The following PIP5K1B variants were observed in gnomAD, a reference collection of about 807,000 sequenced individuals.
PIP5K1B encodes the protein phosphatidylinositol-4-phosphate 5-kinase type 1 beta.
PIP5K1B carries 42 observed loss-of-function variants against 67.0 expected under a neutral mutation model. That is an observed-to-expected ratio of 0.63 (90% CI 0.49 to 0.81). The LOEUF is 0.81. Ranked by LOEUF, PIP5K1B falls within the 30% of genes least tolerant of loss-of-function variation. PIP5K1B has a pLI of 0.00. For synonymous variants in PIP5K1B, 214 were observed against 231.4 expected (o/e 0.92, Z 0.68); for missense variants, 459 against 646.3 (o/e 0.71, Z 3.14).
intron 2 of PIP5K1B, among the ~76,000 whole-genome samples, chr9:68,770,514 C>A (rs957086818): frequency 6.6e-6 from 1 of 152,130 alleles, no homozygotes; most frequent in African/African-American, 2.4e-5. Flanking sequence ...AGTTCATGCT[C>A]AAAAGAAGTG....
At chr9:68,725,655 G>C (rs1195874842) in intron 1 of PIP5K1B, among the ~76,000 whole-genome samples, 2 of 151,886 alleles carry the variant, frequency 1.3e-5, no homozygotes, top group African/African-American at 4.9e-5. Flanking sequence ...ATCACCTTCA[G>C]CATGGATGAG....
In PIP5K1B at chr9:68,919,522, C is replaced by A; in HGVS notation, c.1027C>A (p.Leu343Ile). 6.2e-7 allele frequency: 1 copy of A among 1,601,228 alleles called. No homozygotes were observed. Among genetic ancestry groups the A allele is most frequent in the Admixed American group, 1.7e-5 (1 of 59,070 alleles). Residue 343 changes from leucine to isoleucine, a missense_variant, in exon 10 of 16, where the codon CTT (leucine) becomes ATT (isoleucine). By Grantham distance (5) the Leu-to-Ile change is conservative (BLOSUM62 2). Coordinates refer to ENST00000265382, the MANE Select transcript of PIP5K1B (RefSeq NM_003558.4). ...TAAAAGCCATAGGGGAGAAAAACTA[C>A]TTTTATTTATGGGCATTATTGACAT... is the stretch of plus-strand genomic sequence containing the variant. Reference protein sequence around the residue: ...PAKSHRGEKLLLFMGIIDILQ... With the variant: ...PAKSHRGEKLILFMGIIDILQ...
At chr9:68,944,861 G>GTCAGAAA (rs1195289981) in intron 14 of PIP5K1B, among the ~76,000 whole-genome samples, 5 of 152,160 alleles carry the variant, frequency 3.3e-5, no homozygotes, top group Non-Finnish European at 7.3e-5. Flanking sequence ...CTTTAGATTT[G>GTCAGAAA]TCTAAAATAT....
intron 2 of PIP5K1B, among the ~76,000 whole-genome samples, chr9:68,769,087 AT>A (rs1830565377): frequency 6.6e-6 from 1 of 152,214 alleles, no homozygotes; most frequent in Non-Finnish European, 1.5e-5. Context: ...ATGCATCCCT[AT>A]TTCCCCGTAT....
intron 14 of PIP5K1B, among the ~76,000 whole-genome samples, chr9:68,973,937 G>A (rs1829514346): frequency 6.6e-6 from 1 of 152,192 alleles, no homozygotes; most frequent in Non-Finnish European, 1.5e-5. Flanking sequence ...GAGCACAGTG[G>A]CCTGATCTTG....
chr9:68,944,621 G>A (rs12342490), intron 14 of PIP5K1B, among the ~76,000 whole-genome samples: 4,309 of 152,264 alleles, frequency 0.028, 198 homozygotes, highest in African/African-American at 0.098. Flanking sequence ...TCATTTACAC[G>A]TAGAGGGAAA....
At position 69,005,979 on chromosome 9, in the gene PIP5K1B, A is replaced by T. The variant is rs1831060731; in HGVS notation, c.1621-2468A>T. On this transcript the variant is annotated intron_variant, in intron 15 of 15. Transcript: ENST00000265382. Reference sequence around the variant, plus strand: ...ACTATAGCCTCAAACTCCTGGGCTTAAGCAATCCTCCCACCTTAGCCTCCT... The same window carrying T: ...ACTATAGCCTCAAACTCCTGGGCTTTAGCAATCCTCCCACCTTAGCCTCCT... Among the ~76,000 whole-genome samples the T allele has an allele frequency of 3.3e-5, 5 of 151,758 alleles. No individual in the cohort carries two copies. In the South Asian group the frequency reaches 1.0e-3, roughly 32 times the overall value.
At chr9:68,918,645 A>G (rs963120743) in intron 9 of PIP5K1B, among the ~76,000 whole-genome samples, 4 of 152,230 alleles carry the variant, frequency 2.6e-5, no homozygotes, top group African/African-American at 9.6e-5. Flanking sequence ...CTGAGCAAGG[A>G]GACTGAAAGA....
chr9:68,799,937 A>G lies in PIP5K1B; in HGVS notation c.-85-18524A>G, dbSNP rs116932365. Among the ~76,000 whole-genome samples, 905 of 152,350 alleles carry G rather than the reference A, an allele frequency of 5.9e-3. 9 individuals are homozygous for G. The highest frequency in any genetic ancestry group is 8.5e-3 in the Non-Finnish European group (576 of 68,028). ...GCAAAGGAAATGATCAACAGAATGA[A>G]AAGGCAACTCATGGAATGAGAGAAA... On this transcript the variant is annotated intron_variant, in intron 2 of 15. Coordinates refer to ENST00000265382, the MANE Select transcript of PIP5K1B (RefSeq NM_003558.4).
intron 2 of PIP5K1B, among the ~76,000 whole-genome samples, chr9:68,816,030 T>C (rs1833425465): frequency 6.6e-6 from 1 of 152,190 alleles, no homozygotes; most frequent in Non-Finnish European, 1.5e-5. Context: ...ATCCTAAAGA[T>C]AAAAATTGTT....
intron 8 of PIP5K1B, among the ~76,000 whole-genome samples, chr9:68,895,628 GT>G (rs11297770): frequency 0.96 from 139,974 of 145,698 alleles, 67,339 homozygotes; most frequent in East Asian, 1. Flanking sequence ...TACTGTTTCT[GT>G]TTTTTTTTTT....
At chr9:69,004,421 T>A (rs1830976591) in intron 15 of PIP5K1B, among the ~76,000 whole-genome samples, 1 of 151,966 alleles carries the variant, frequency 6.6e-6, no homozygotes, top group African/African-American at 2.4e-5. Flanking sequence ...GGGTCTGTAG[T>A]CTCTGAGCTC....
chr9:68,910,669 A>G (rs970235647), intron 8 of PIP5K1B, among the ~76,000 whole-genome samples: 9 of 152,204 alleles, frequency 5.9e-5, no homozygotes, highest in African/African-American at 2.2e-4. Flanking sequence ...AGAATTTTAT[A>G]TGACAGAGGG....
intron 7 of PIP5K1B, 71 bp downstream of exon 7, chr9:68,889,204 GT>G (rs145571244): frequency 1.8e-6 from 2 of 1,126,528 alleles, no homozygotes; most frequent in African/African-American, 1.6e-5. Flanking sequence ...TTTTTCTGTT[GT>G]TTTTTTCAGT....
chr9:68,922,252 G>A (rs1826441002), intron 11 of PIP5K1B, among the ~76,000 whole-genome samples: 2 of 152,098 alleles, frequency 1.3e-5, no homozygotes, highest in African/African-American at 4.8e-5. Flanking sequence ...ATCACTTGAG[G>A]TCAGGAGTTC....
chr9:68,787,779 T>C (rs12341558), intron 2 of PIP5K1B, among the ~76,000 whole-genome samples: 9,711 of 152,066 alleles, frequency 0.064, 599 homozygotes, highest in African/African-American at 0.16. Context: ...ACTACAGGCA[T>C]GTGCCACCAT....
chr9:68,918,793 G>A (rs754070683), intron 9 of PIP5K1B, among the ~76,000 whole-genome samples: 16 of 152,056 alleles, frequency 1.1e-4, no homozygotes, highest in Admixed American at 2.6e-4. Context: ...CTTGCAAATC[G>A]ATCTAACTGT....
chr9:68,819,823 A>G (rs964154285), intron 3 of PIP5K1B, among the ~76,000 whole-genome samples: 14 of 152,172 alleles, frequency 9.2e-5, no homozygotes, highest in Admixed American at 7.2e-4. Flanking sequence ...ACATCACTCT[A>G]CAGGAAAAAT....
intron 13 of PIP5K1B, among the ~76,000 whole-genome samples, chr9:68,938,653 T>C (rs1464412141): frequency 6.6e-6 from 1 of 152,168 alleles, no homozygotes; most frequent in Non-Finnish European, 1.5e-5. Flanking sequence ...GCTGGTTGTT[T>C]TGAGCTGGGC....
Sources: allele counts gnomAD v4.1 joint callset (sites outside exome capture counted in the v4.1 genomes callset), GRCh38; gene constraint gnomAD v4.1.1; transcripts MANE v1.5; gene names NCBI Gene and HGNC (gene_info 2026-07-23, HGNC 2026-07-21).